Variants in UBE2R2 observed in about 807,000 individuals in gnomAD.
UBE2R2 encodes ubiquitin-conjugating enzyme E2 R2.
In UBE2R2, 1 loss-of-function variant was observed where a neutral mutation model predicts 27.8. The ratio of observed to expected loss-of-function variants is 0.04; its 90% CI spans 0.01 to 0.17. UBE2R2 has a LOEUF of 0.17. Among genes scored for constraint, UBE2R2 ranks in the 10% least tolerant of loss-of-function variants. The pLI is 1.00. For synonymous variants in UBE2R2, 106 were observed against 113.3 expected (o/e 0.94, Z 0.41); for missense variants, 100 against 291.0 (o/e 0.34, Z 4.78).
chr9:33,877,979 A>G (rs545446779), intron 1 of UBE2R2, among the ~76,000 whole-genome samples: 1 of 151,662 alleles, frequency 6.6e-6, no homozygotes, highest in Non-Finnish European at 1.5e-5. Flanking sequence ...CTGGTCTTGA[A>G]CTCATGACCT....
At chr9:33,873,229 A>G (rs1821527342) in intron 1 of UBE2R2, among the ~76,000 whole-genome samples, 1 of 150,828 alleles carries the variant, frequency 6.6e-6, no homozygotes, top group Non-Finnish European at 1.5e-5. Context: ...CTTTAACTTA[A>G]TTAAATGGAC....
intron 4 of UBE2R2, among the ~76,000 whole-genome samples, chr9:33,916,318 G>A (rs143101925): frequency 6.3e-4 from 96 of 152,318 alleles, no homozygotes; most frequent in Middle Eastern, 3.4e-3. Flanking sequence ...TCCAGCCTGG[G>A]TGACAGAGCA....
chr9:33,836,601 CA>C (rs1223896729), intron 1 of UBE2R2, among the ~76,000 whole-genome samples: 1 of 151,816 alleles, frequency 6.6e-6, no homozygotes, highest in Non-Finnish European at 1.5e-5. Flanking sequence ...ACTAAAAATA[CA>C]AAAAATTAGC....
rs137869910 is a variant in UBE2R2 at position 33,876,830 on chromosome 9, G to A, written c.178-10051G>A. ...ACTCAGGAGGCTGAGGCAGGAGAAT[G>A]GCATGAACTCGGGAGGCGGAGCTTG... On this transcript the variant is annotated intron_variant, in intron 1 of 4. Coordinates refer to ENST00000263228, the MANE Select transcript of UBE2R2 (RefSeq NM_017811.4). Among the ~76,000 whole-genome samples, 1,200 of 151,432 alleles carry A rather than the reference G, an allele frequency of 7.9e-3. 13 individuals are homozygous for A. Among genetic ancestry groups the A allele is most frequent in the African/African-American group, 0.027 (1,098 of 41,250 alleles).
At chr9:33,864,575 T>C (rs899558358) in intron 1 of UBE2R2, among the ~76,000 whole-genome samples, 1 of 152,154 alleles carries the variant, frequency 6.6e-6, no homozygotes, top group African/African-American at 2.4e-5. Context: ...TAAGAGATGG[T>C]GTCTTGCTTT....
chr9:33,819,798 C>T (rs894622576), intron 1 of UBE2R2, among the ~76,000 whole-genome samples: 3 of 152,188 alleles, frequency 2.0e-5, no homozygotes, highest in Non-Finnish European at 2.9e-5. Flanking sequence ...GCCACCACGC[C>T]CAGCTAATTT....
intron 1 of UBE2R2, among the ~76,000 whole-genome samples, chr9:33,873,092 T>C (rs1224605539): frequency 6.6e-6 from 1 of 150,854 alleles, no homozygotes; most frequent in African/African-American, 2.4e-5. Flanking sequence ...GGAGAATTGC[T>C]TGAGCCTGGG....
At chr9:33,902,833 C>G (rs1822272809) in intron 3 of UBE2R2, among the ~76,000 whole-genome samples, 1 of 152,176 alleles carries the variant, frequency 6.6e-6, no homozygotes, top group African/African-American at 2.4e-5. Flanking sequence ...GGCGCAGTGG[C>G]TCACGCCTGT....
At chr9:33,831,952 C>T (rs1411776589) in intron 1 of UBE2R2, among the ~76,000 whole-genome samples, 12 of 151,916 alleles carry the variant, frequency 7.9e-5, no homozygotes, top group Admixed American at 2.6e-4. Flanking sequence ...TGTGCCACCG[C>T]GCCCGACCTG....
chr9:33,860,961 TTTTG>T (rs1821218947), intron 1 of UBE2R2, among the ~76,000 whole-genome samples: 1 of 149,264 alleles, frequency 6.7e-6, no homozygotes. Context: ...TTTGTTTGTT[TTTTG>T]TTTTTTTTTT....
At chr9:33,871,805 G>C (rs184666548) in intron 1 of UBE2R2, among the ~76,000 whole-genome samples, 2 of 152,156 alleles carry the variant, frequency 1.3e-5, no homozygotes, top group African/African-American at 4.8e-5. Flanking sequence ...CCACCTCCTG[G>C]GTTCGAGCAA....
chr9:33,838,486 T>C (rs1820663342), intron 1 of UBE2R2, among the ~76,000 whole-genome samples: 1 of 152,164 alleles, frequency 6.6e-6, no homozygotes, highest in Non-Finnish European at 1.5e-5. Flanking sequence ...CTGAGATGTT[T>C]GCTAATGTTA....
intron 1 of UBE2R2, among the ~76,000 whole-genome samples, chr9:33,865,431 C>T (rs111355685): frequency 0.019 from 2,801 of 148,370 alleles, 90 homozygotes; most frequent in African/African-American, 0.065. Flanking sequence ...CTCCTGACCT[C>T]GTGATCTGCC....
At chr9:33,887,012 TA>T in intron 2 of UBE2R2, 45 bp downstream of exon 2, 1 of 1,465,216 alleles carries the variant, frequency 6.8e-7, no homozygotes, top group Non-Finnish European at 9.3e-7. Context: ...TTTTTTTTTT[TA>T]AATCAGTACT....
intron 3 of UBE2R2, among the ~76,000 whole-genome samples, chr9:33,909,725 G>A (rs1304067505): frequency 6.6e-6 from 1 of 151,946 alleles, no homozygotes; most frequent in East Asian, 1.9e-4. Flanking sequence ...GGGCTTCTTC[G>A]ATTCTTTTTA....
chr9:33,913,314 A>C (rs923960575), intron 4 of UBE2R2, among the ~76,000 whole-genome samples: 1 of 152,174 alleles, frequency 6.6e-6, no homozygotes, highest in Non-Finnish European at 1.5e-5. Context: ...CCTGGGCTGG[A>C]GTGCAATGGT....
chr9:33,871,246 T>C (rs1452322199), intron 1 of UBE2R2, among the ~76,000 whole-genome samples: 1 of 152,268 alleles, frequency 6.6e-6, no homozygotes, highest in Non-Finnish European at 1.5e-5. Context: ...GTGTTCTAAA[T>C]ATGTTTATTT....
At chr9:33,892,762 A>C (rs1405996805) in intron 2 of UBE2R2, among the ~76,000 whole-genome samples, 1 of 152,166 alleles carries the variant, frequency 6.6e-6, no homozygotes, top group African/African-American at 2.4e-5. Context: ...GACATGCCCA[A>C]ATTTGGCCAT....
At chr9:33,905,586 A>AC (rs1317797198) in intron 3 of UBE2R2, among the ~76,000 whole-genome samples, 1 of 152,238 alleles carries the variant, frequency 6.6e-6, no homozygotes, top group Non-Finnish European at 1.5e-5. Flanking sequence ...CCAGCACTGC[A>AC]CAGAAGGAGG....
Sources: gnomAD v4.1 joint callset for allele counts (sites outside exome capture counted in the v4.1 genomes callset) on GRCh38, gnomAD v4.1.1 for gene constraint, MANE v1.5 for transcripts, NCBI Gene and HGNC (gene_info 2026-07-23, HGNC 2026-07-21) for gene names.